RGS5: variants seen among roughly 807,000 people sequenced by gnomAD.
RGS5 encodes regulator of G-protein signalling 5.
Under a neutral mutation model 18.9 loss-of-function variants are expected in RGS5, and 20 were observed. The observed-to-expected ratio is 1.06, with a 90% CI of 0.74 to 1.54. The LOEUF (loss-of-function observed/expected upper bound fraction) is 1.54, where lower values mean the gene tolerates loss of function less well. RGS5 is among the 40% of genes most tolerant of loss of function. RGS5 has a pLI of 0.00. For synonymous variants in RGS5, 57 were observed against 76.2 expected, an observed-to-expected ratio of 0.75 and a Z score of 1.31; for missense variants, 201 against 211.8, an observed-to-expected ratio of 0.95 and a Z score of 0.32.
chr1:163,242,680 G>T (rs1450117190), intron 2 of RGS5, among the ~76,000 whole-genome samples: 1 of 152,170 alleles, frequency 6.6e-6, no homozygotes, highest in Non-Finnish European at 1.5e-5. Flanking sequence ...TGGTGGGAAT[G>T]ATGGTAGCCT....
chr1:163,226,157 T>C (rs1284014219), intron 2 of RGS5, among the ~76,000 whole-genome samples: 1 of 150,488 alleles, frequency 6.6e-6, no homozygotes, highest in Non-Finnish European at 1.5e-5. Context: ...CAACCTCAGG[T>C]GATCCGCCCA....
At chr1:163,159,876 T>C (rs1006071272) in intron 3 of RGS5, among the ~76,000 whole-genome samples, 2 of 152,192 alleles carry the variant, frequency 1.3e-5, no homozygotes, top group Non-Finnish European at 2.9e-5. Context: ...ATATTATATA[T>C]ATACACATAC....
At chr1:163,161,882 CT>C in intron 3 of RGS5, 32 bp downstream of exon 3, 7 of 1,572,862 alleles carry the variant, frequency 4.5e-6, no homozygotes, top group Non-Finnish European at 6.1e-6. Flanking sequence ...CTAACCTGAC[CT>C]TTATTTAAAA....
intron 1 of RGS5, chr1:163,172,731 T>A: frequency 1.1e-6 from 1 of 936,960 alleles, no homozygotes; most frequent in Non-Finnish European, 1.5e-6. Context: ...CTATTAAATT[T>A]AATTAGGAGT....
intron 1 of RGS5, among the ~76,000 whole-genome samples, chr1:163,198,028 A>C (rs1659636383): frequency 6.6e-6 from 1 of 152,150 alleles, no homozygotes; most frequent in African/African-American, 2.4e-5. Flanking sequence ...TAACAACCTC[A>C]GATTAGTTCA....
chr1:163,313,314 A>G (rs940316753), intron 1 of RGS5, among the ~76,000 whole-genome samples: 74 of 152,320 alleles, frequency 4.9e-4, no homozygotes, highest in African/African-American at 1.7e-3. Context: ...CTAGGAGAAA[A>G]TCTTCAGAAA....
upstream of RGS5, chr1:163,203,105 A>G (rs778708293): frequency 6.7e-4 from 266 of 397,042 alleles, no homozygotes; most frequent in Non-Finnish European, 1.1e-3. Flanking sequence ...TGCTCTTATC[A>G]CAACACTCTC....
At chr1:163,287,505 G>T (rs574448096) in intron 2 of RGS5, among the ~76,000 whole-genome samples, 16 of 152,282 alleles carry the variant, frequency 1.1e-4, no homozygotes, top group African/African-American at 3.8e-4. Context: ...TAAAATAATG[G>T]TTATCCACTC....
At chr1:163,200,305 G>T (rs1321638606) in intron 1 of RGS5, among the ~76,000 whole-genome samples, 1 of 152,142 alleles carries the variant, frequency 6.6e-6, no homozygotes, top group Non-Finnish European at 1.5e-5. Context: ...AGTCAGAACT[G>T]AACTCTTCAG....
chr1:163,196,309 C>A (rs573759636), intron 1 of RGS5, among the ~76,000 whole-genome samples: 4 of 152,210 alleles, frequency 2.6e-5, no homozygotes, highest in Non-Finnish European at 4.4e-5. Flanking sequence ...AAAATTTAGC[C>A]CCTTTTCTCT....
intron 2 of RGS5, among the ~76,000 whole-genome samples, chr1:163,248,859 C>A (rs540978860): frequency 6.6e-6 from 1 of 152,216 alleles, no homozygotes; most frequent in Non-Finnish European, 1.5e-5. Flanking sequence ...ACATTGGCAC[C>A]AATGGGTGGG....
chr1:163,186,963 AT>A (rs34303232), intron 1 of RGS5, among the ~76,000 whole-genome samples: 68,457 of 152,002 alleles, frequency 0.45, 16,224 homozygotes, highest in East Asian at 0.72. Flanking sequence ...CTAGGCACTC[AT>A]TCCTAGTCTG....
At chr1:163,156,643 A>T (rs1454079786) in intron 3 of RGS5, among the ~76,000 whole-genome samples, 1 of 152,154 alleles carries the variant, frequency 6.6e-6, no homozygotes, top group Non-Finnish European at 1.5e-5. Context: ...CATTTAATAG[A>T]GGTTCCCGCA....
Position 163,291,131 on chromosome 1 carries a change from T to TA in RGS5, c.-281+15101dup, listed in dbSNP as rs147710607. On this transcript the variant is annotated intron_variant, in intron 2 of 5. Coordinates refer to the RGS5 transcript ENST00000618415. ...AAGAAAGATACATAAGCCCACTTAT[T>TA]AAAAAAAAAAAAAAGGTTCTCTGTA... Among the ~76,000 whole-genome samples, 179 of 146,154 alleles carry TA rather than the reference T, an allele frequency of 1.2e-3. 1 individual carries two copies. Among genetic ancestry groups the TA allele is most frequent in the African/African-American group, 3.4e-3 (134 of 39,528 alleles).
chr1:163,232,134 C>T (rs187886564), intron 2 of RGS5, among the ~76,000 whole-genome samples: 232 of 152,198 alleles, frequency 1.5e-3, no homozygotes, highest in African/African-American at 5.5e-3. Context: ...GAAGGATGGG[C>T]ACTGAACTAA....
intron 2 of RGS5, among the ~76,000 whole-genome samples, chr1:163,235,803 T>C (rs917013251): frequency 6.6e-6 from 1 of 152,246 alleles, no homozygotes; most frequent in East Asian, 1.9e-4. Flanking sequence ...CTTTCTATTA[T>C]CTATCAGGTT....
chr1:163,212,786 C>G (rs1255113852), intron 1 of RGS5: 1 of 152,186 alleles, frequency 6.6e-6, no homozygotes, highest in African/African-American at 2.4e-5. Flanking sequence ...GGGATCAACA[C>G]CATCCTATAT....
intron 2 of RGS5, among the ~76,000 whole-genome samples, chr1:163,265,093 C>A (rs544841782): frequency 6.6e-6 from 1 of 152,222 alleles, no homozygotes; most frequent in East Asian, 1.9e-4. Flanking sequence ...GTTTGACAAT[C>A]CTTTCACCAT....
intron 1 of RGS5, among the ~76,000 whole-genome samples, chr1:163,311,796 A>G (rs1649870854): frequency 6.6e-6 from 1 of 152,242 alleles, no homozygotes; most frequent in Non-Finnish European, 1.5e-5. Context: ...AAAGTTTAAA[A>G]TATTGAGAGA....
Sources: allele counts gnomAD v4.1 joint callset (sites outside exome capture counted in the v4.1 genomes callset), GRCh38; gene constraint gnomAD v4.1.1; transcripts MANE v1.5; gene names NCBI Gene and HGNC (gene_info 2026-07-23, HGNC 2026-07-21).